EIPR1: variants seen among roughly 807,000 people sequenced by gnomAD.
EIPR1 encodes EARP and GARP complex-interacting protein 1.
Under a neutral mutation model 48.1 loss-of-function variants are expected in EIPR1, and 25 were observed. That is an observed-to-expected ratio of 0.52 (90% CI 0.38 to 0.73). The LOEUF (loss-of-function observed/expected upper bound fraction) is 0.73. Ranked by LOEUF, EIPR1 falls within the 30% of genes least tolerant of loss-of-function variation. The pLI is 0.00. For synonymous variants in EIPR1, 204 were observed against 201.9 expected (o/e 1.01, Z -0.09); for missense variants, 415 against 506.2 (o/e 0.82, Z 1.73).
chr2:3,292,971 G>A (rs184282836), intron 3 of EIPR1, among the ~76,000 whole-genome samples: 12 of 152,110 alleles, frequency 7.9e-5, no homozygotes, highest in African/African-American at 2.4e-5. Context: ...CACATTAAAC[G>A]AAATAAGCCC....
intron 3 of EIPR1, among the ~76,000 whole-genome samples, chr2:3,279,386 C>T (rs1667953187): frequency 1.3e-5 from 2 of 152,170 alleles, no homozygotes; most frequent in Admixed American, 1.3e-4. Flanking sequence ...AATAGTCTGT[C>T]ACCTTGAGCC....
At chr2:3,223,370 G>A (rs181185931) in intron 4 of EIPR1, among the ~76,000 whole-genome samples, 2 of 152,194 alleles carry the variant, frequency 1.3e-5, no homozygotes, top group Non-Finnish European at 1.5e-5. Flanking sequence ...TATGAGCAAC[G>A]AGCTCACACC....
At chr2:3,210,040 G>C (rs1665389422) in intron 5 of EIPR1, among the ~76,000 whole-genome samples, 1 of 152,186 alleles carries the variant, frequency 6.6e-6, no homozygotes, top group South Asian at 2.1e-4. Context: ...GGGTGACGGT[G>C]ATGTGCCCGT....
At chr2:3,251,284 G>A (rs1253215077) in intron 4 of EIPR1, among the ~76,000 whole-genome samples, 1 of 152,220 alleles carries the variant, frequency 6.6e-6, no homozygotes, top group Non-Finnish European at 1.5e-5. Flanking sequence ...TAGCAGGGGT[G>A]TCAGCCACTG....
At chr2:3,352,321 T>C (rs1215884865) in intron 2 of EIPR1, among the ~76,000 whole-genome samples, 1 of 146,026 alleles carries the variant, frequency 6.8e-6, no homozygotes, top group Non-Finnish European at 1.5e-5. Context: ...CCGGACACCT[T>C]TGATCAGCAT....
intron 4 of EIPR1, among the ~76,000 whole-genome samples, chr2:3,218,948 G>A (rs1665756044): frequency 6.7e-6 from 1 of 150,214 alleles, no homozygotes; most frequent in South Asian, 2.1e-4. Flanking sequence ...AGTGAGTCAG[G>A]TGCACACCCA....
At chr2:3,344,676 T>C (rs1670349910) in intron 2 of EIPR1, among the ~76,000 whole-genome samples, 1 of 128,742 alleles carries the variant, frequency 7.8e-6, no homozygotes, top group Non-Finnish European at 1.6e-5. Context: ...AGAGTCTTAC[T>C]CTGTCTCCCA....
At chr2:3,310,467 A>C (rs1028038720) in intron 3 of EIPR1, among the ~76,000 whole-genome samples, 91 of 140,274 alleles carry the variant, frequency 6.5e-4, no homozygotes, top group Non-Finnish European at 8.8e-4. Flanking sequence ...TCCTGGCTAA[A>C]ACGGTGAAAC....
intron 1 of EIPR1, among the ~76,000 whole-genome samples, chr2:3,355,906 A>C (rs1558317732): frequency 6.6e-6 from 1 of 152,222 alleles, no homozygotes; most frequent in Non-Finnish European, 1.5e-5. Flanking sequence ...AACCAAAAGA[A>C]ACAACAACCA....
At chr2:3,311,705 G>A (rs867275645) in intron 3 of EIPR1, among the ~76,000 whole-genome samples, 3 of 151,936 alleles carry the variant, frequency 2.0e-5, no homozygotes, top group Middle Eastern at 3.4e-3. Flanking sequence ...CAGGGCGCCA[G>A]GGGCCTCCAG....
chr2:3,311,173 G>A (rs147807750), intron 3 of EIPR1, among the ~76,000 whole-genome samples: 44 of 152,130 alleles, frequency 2.9e-4, no homozygotes, highest in Admixed American at 1.7e-3. Context: ...CAGGTAGAAC[G>A]GTCTCTATCA....
chr2:3,269,337 ACACTCAGTCATCGCACTCAGTCATCG>A (rs869159397), intron 3 of EIPR1, among the ~76,000 whole-genome samples: 3 of 84,520 alleles, frequency 3.5e-5, no homozygotes, highest in Non-Finnish European at 4.4e-5. Context: ...AATCATCATC[ACACTCAGTCATCGCACTCAGTCATCG>A]CACTCAATCA....
Position 3,338,051 on chromosome 2 carries a change from T to G in EIPR1, c.225A>C (p.Ala75=). ...AGCAGGTCGTCAGCACACCTCTGTCTGCAGGGCTAGCGCTAATATGCCAGA... is the reference window on the plus strand; with the variant it reads ...AGCAGGTCGTCAGCACACCTCTGTCGGCAGGGCTAGCGCTAATATGCCAGA... ...GEIWHISASP[A]DRGVLTTCYN... Residue 75 remains alanine (A), a synonymous_variant, in exon 3 of 9, where the codon GCA becomes GCC. Coordinates refer to ENST00000382125, the MANE Select transcript of EIPR1 (RefSeq NM_003310.5). The G allele has an allele frequency of 6.2e-7, 1 of 1,611,736 alleles. No individual in the cohort carries two copies. Among genetic ancestry groups the G allele is most frequent in the East Asian group, 2.2e-5 (1 of 44,842 alleles).
chr2:3,296,009 C>CACAG (rs1668571362), intron 3 of EIPR1, among the ~76,000 whole-genome samples: 2 of 131,228 alleles, frequency 1.5e-5, no homozygotes, highest in Admixed American at 7.5e-5. Context: ...CCTCTCTCTA[C>CACAG]ACACCCTCCA....
chr2:3,300,386 G>A lies in EIPR1; in HGVS notation c.259+37631C>T, dbSNP rs1043716904. 3.3e-5 allele frequency among the ~76,000 whole-genome samples: 5 copies of A among 151,982 alleles called. No individual in the cohort carries two copies. The South Asian group carries it at 6.2e-4, about 19-fold the overall frequency. On this transcript the variant is annotated intron_variant, in intron 3 of 8. Coordinates refer to ENST00000382125, the MANE Select transcript of EIPR1 (RefSeq NM_003310.5). ...TATCTAAATGCCTTTACACAGGCCC[G>A]CCCCCTCTCCTTCTCGTCAGTGCCT... is the stretch of plus-strand genomic sequence containing the variant.
intron 4 of EIPR1, among the ~76,000 whole-genome samples, chr2:3,237,153 A>T (rs182469660): frequency 2.6e-5 from 4 of 152,162 alleles, no homozygotes; most frequent in South Asian, 2.1e-4. Context: ...CTGTCCAGAA[A>T]AAACCACAAA....
intron 3 of EIPR1, chr2:3,301,611 CTG>C (rs1444348370): frequency 1.3e-5 from 2 of 152,238 alleles, no homozygotes; most frequent in African/African-American, 4.8e-5. Context: ...CATACCTGAA[CTG>C]TGTTAAAAAC....
chr2:3,283,118 A>T (rs1008600543), intron 3 of EIPR1, among the ~76,000 whole-genome samples: 1 of 152,212 alleles, frequency 6.6e-6, no homozygotes, highest in Non-Finnish European at 1.5e-5. Context: ...TATATGAAAC[A>T]TACCAGTCCT....
chr2:3,214,576 G>A (rs1434474211), intron 4 of EIPR1: 1 of 205,854 alleles, frequency 4.9e-6, no homozygotes, highest in East Asian at 1.3e-4. Flanking sequence ...TGAAAATGCA[G>A]TGGATGCACC....
Sources: gnomAD v4.1 joint callset for allele counts (sites outside exome capture counted in the v4.1 genomes callset) on GRCh38, gnomAD v4.1.1 for gene constraint, MANE v1.5 for transcripts, NCBI Gene and HGNC (gene_info 2026-07-23, HGNC 2026-07-21) for gene names.